The following NAV2 variants were observed in gnomAD, a reference collection of about 807,000 sequenced individuals.
NAV2 encodes the protein neuron navigator 2.
A neutral mutation model predicts 223.2 loss-of-function variants in NAV2; 54 were observed. That is an observed-to-expected ratio of 0.24 (90% CI 0.19 to 0.30). The LOEUF is 0.30. Ranked by LOEUF, NAV2 falls within the 10% of genes least tolerant of loss-of-function variation. The pLI, the probability that NAV2 is intolerant of heterozygous loss-of-function variation, is 1.00. For missense variants in NAV2, 2,806 were observed against 3,147.5 expected (o/e 0.89, Z 2.60); for synonymous variants, 1,279 against 1,239.3 (o/e 1.03, Z -0.67).
intron 4 of NAV2, among the ~76,000 whole-genome samples, chr11:19,874,452 C>T (rs1156576154): frequency 2.6e-5 from 4 of 152,124 alleles, no homozygotes; most frequent in Non-Finnish European, 5.9e-5. Flanking sequence ...TCTAGAACTC[C>T]AGAAAGTGAG....
intron 1 of NAV2, among the ~76,000 whole-genome samples, chr11:19,391,501 A>G (rs1849246928): frequency 6.6e-6 from 1 of 152,180 alleles, no homozygotes; most frequent in Non-Finnish European, 1.5e-5. Flanking sequence ...TATCAATGAC[A>G]CTGAGAATAA....
intron 36 of NAV2, among the ~76,000 whole-genome samples, chr11:20,108,497 C>G (rs989418489): frequency 6.6e-6 from 1 of 151,992 alleles, no homozygotes; most frequent in African/African-American, 2.4e-5. Flanking sequence ...GACTGGAGTA[C>G]AGTGGCACAA....
intron 1 of NAV2, among the ~76,000 whole-genome samples, chr11:19,404,552 AGCTTTAACCC>A (rs386751254): frequency 1.3e-5 from 2 of 151,970 alleles, no homozygotes; most frequent in Admixed American, 6.6e-5. Context: ...TAGTTTCTGC[AGCTTTAACCC>A]TAGGTTCTGA....
chr11:19,452,848 G>A (rs1490869973), intron 1 of NAV2, among the ~76,000 whole-genome samples: 1 of 152,116 alleles, frequency 6.6e-6, no homozygotes, highest in African/African-American at 2.4e-5. Context: ...TTGTAAGTCA[G>A]GGACCCTCTG....
intron 1 of NAV2, among the ~76,000 whole-genome samples, chr11:19,402,522 A>T (rs1463210075): frequency 6.6e-6 from 1 of 152,042 alleles, no homozygotes; most frequent in Non-Finnish European, 1.5e-5. Flanking sequence ...CCTTCATTGC[A>T]CTTATAGTGT....
chr11:19,503,256 C>G (rs1012241831), intron 1 of NAV2: 1 of 152,196 alleles, frequency 6.6e-6, no homozygotes, highest in African/African-American at 2.4e-5. Context: ...ATATCTGTCA[C>G]CAAAGTAGCA....
At chr11:19,765,310 T>A (rs2055108368) in intron 1 of NAV2, among the ~76,000 whole-genome samples, 1 of 152,092 alleles carries the variant, frequency 6.6e-6, no homozygotes, top group Admixed American at 6.5e-5. Context: ...CATCATCATC[T>A]TCTTCTCCTC....
chr11:19,643,624 TA>T (rs2135579086), intron 1 of NAV2, among the ~76,000 whole-genome samples: 1 of 152,330 alleles, frequency 6.6e-6, no homozygotes, highest in African/African-American at 2.4e-5. Context: ...ACAATAAACA[TA>T]CGTGTGCATG....
At chr11:19,856,441 T>C (rs1274125677) in intron 3 of NAV2, among the ~76,000 whole-genome samples, 1 of 152,264 alleles carries the variant, frequency 6.6e-6, no homozygotes, top group Admixed American at 6.5e-5. Context: ...AATCGTTTCT[T>C]AGTTTAAAAT....
intron 1 of NAV2, among the ~76,000 whole-genome samples, chr11:19,825,123 C>G (rs1209188848): frequency 6.6e-6 from 1 of 151,740 alleles, no homozygotes; most frequent in African/African-American, 2.4e-5. Flanking sequence ...GAAACCCCAT[C>G]TCTACCAAAA....
intron 1 of NAV2, among the ~76,000 whole-genome samples, chr11:19,543,979 G>T (rs2044411754): frequency 6.6e-6 from 1 of 152,124 alleles, no homozygotes; most frequent in Non-Finnish European, 1.5e-5. Context: ...TACTTATTTT[G>T]CTCTTCCTGG....
chr11:19,387,819 G>A (rs1385173028), intron 1 of NAV2, among the ~76,000 whole-genome samples: 5 of 152,032 alleles, frequency 3.3e-5, no homozygotes, highest in Admixed American at 1.3e-4. Flanking sequence ...TTTAAAAGTA[G>A]CATTTACAGA....
chr11:20,061,837 A>G (rs2058728372), intron 19 of NAV2, among the ~76,000 whole-genome samples: 1 of 152,162 alleles, frequency 6.6e-6, no homozygotes, highest in Admixed American at 6.5e-5. Flanking sequence ...CTTTTTTTGC[A>G]TATACAACTG....
intron 6 of NAV2, among the ~76,000 whole-genome samples, chr11:19,924,049 G>A (rs7109223): frequency 0.56 from 85,525 of 151,968 alleles, 24,471 homozygotes; most frequent in South Asian, 0.71. Context: ...TAAAATTTGT[G>A]TAGAATACAT....
rs534921152 is a variant in NAV2, at chr11:19,478,991, C to T, written c.75+127964C>T. On this transcript the variant is annotated intron_variant, in intron 1 of 37. Transcript: ENST00000360655. Reference sequence around the variant, plus strand: ...AGCTTCCAGAGGTCTCCCCTGATGTCGGCGGTCTGGGCAGATTCTACAGAG... The same window carrying T: ...AGCTTCCAGAGGTCTCCCCTGATGTTGGCGGTCTGGGCAGATTCTACAGAG... Among the ~76,000 whole-genome samples the T allele has an allele frequency of 3.3e-5, 5 of 152,212 alleles. No homozygotes were observed. In the East Asian group the frequency reaches 5.8e-4, roughly 18 times the overall value.
chr11:19,790,794 G>T (rs1204389119), intron 1 of NAV2, among the ~76,000 whole-genome samples: 1 of 152,068 alleles, frequency 6.6e-6, no homozygotes, highest in African/African-American at 2.4e-5. Flanking sequence ...GCTAACAGTT[G>T]TTCCTTTCTG....
chr11:19,604,316 G>C (rs1328943941), intron 1 of NAV2, among the ~76,000 whole-genome samples: 2 of 152,096 alleles, frequency 1.3e-5, no homozygotes, highest in African/African-American at 4.8e-5. Context: ...GGGCATCGGT[G>C]GTGTGTTTAA....
At chr11:19,625,455 C>G (rs1299130037) in intron 1 of NAV2, among the ~76,000 whole-genome samples, 1 of 152,118 alleles carries the variant, frequency 6.6e-6, no homozygotes, top group Non-Finnish European at 1.5e-5. Context: ...TGATTCATCT[C>G]CTGTTGAACT....
chr11:19,636,863 A>G (rs2047516864), intron 1 of NAV2, among the ~76,000 whole-genome samples: 2 of 152,246 alleles, frequency 1.3e-5, no homozygotes, highest in South Asian at 4.1e-4. Flanking sequence ...AGACCTGGTC[A>G]GTCCAGAATC....
Sources: gnomAD v4.1 joint callset for allele counts (sites outside exome capture counted in the v4.1 genomes callset) on GRCh38, gnomAD v4.1.1 for gene constraint, MANE v1.5 for transcripts, NCBI Gene and HGNC (gene_info 2026-07-23, HGNC 2026-07-21) for gene names.